LAMA2: variants seen among roughly 807,000 people sequenced by gnomAD.
LAMA2 encodes the protein laminin subunit alpha-2.
LAMA2 carries 269 observed loss-of-function variants against 364.8 expected under a neutral mutation model. That is an observed-to-expected ratio of 0.74 (90% CI 0.67 to 0.82). LAMA2 has a LOEUF of 0.82. LAMA2 is among the 40% of genes least tolerant of loss of function. The probability of loss-of-function intolerance (pLI) is 0.00; values close to 1 mark genes in which losing one functional copy is unlikely to be tolerated. For synonymous variants in LAMA2, 1,379 were observed against 1,370.6 expected (o/e 1.01, Z -0.14); for missense variants, 3,807 against 3,873.2 (o/e 0.98, Z 0.45).
chr6:129,514,410 C>G lies in LAMA2; in HGVS notation c.9026C>G (p.Thr3009Ser), dbSNP rs761150291. Residue 3009 changes from threonine to serine, a missense_variant, in exon 64 of 65, where the codon ACT becomes AGT. Thr to Ser is a moderately conservative substitution (Grantham distance 58). This residue lies in a region of LAMA2 where 3,333 missense variants were observed against 3,345.7 expected (regional missense o/e 1.00). Transcript: ENST00000421865. ...FHVDNGAGRFTAVYDAGVPGH... is the reference protein window; with the variant it reads ...FHVDNGAGRFSAVYDAGVPGH... ...GTGGACAATGGTGCGGGCAGATTCA[C>G]TGCTGTCTATGATGCTGGGGTTCCA... 3.1e-6 allele frequency: 5 copies of G among 1,613,886 alleles called. No individual in the cohort carries two copies. In the Admixed American group the frequency reaches 5.0e-5, roughly 16 times the overall value.
At chr6:128,961,941 T>G (rs548301537) in intron 1 of LAMA2, among the ~76,000 whole-genome samples, 166 of 151,480 alleles carry the variant, frequency 1.1e-3, no homozygotes, top group African/African-American at 3.6e-3. Flanking sequence ...TGTAAATTAT[T>G]TGGTACTTAA....
intron 3 of LAMA2, among the ~76,000 whole-genome samples, chr6:129,071,036 G>A (rs1237802620): frequency 1.3e-5 from 2 of 152,124 alleles, no homozygotes; most frequent in African/African-American, 4.8e-5. Flanking sequence ...GTATTCACCA[G>A]TGAAGCCATT....
At position 129,052,305 on chromosome 6, in the gene LAMA2, C is replaced by CTTTTT. The variant is rs71272306; in HGVS notation, c.283+2229_283+2233dup. ...CGCACGTTGCCACGCCCGGCTAATT[C>CTTTTT]TTTTTTTTTTTTTTTTGTATTTTTA... On this transcript the variant is annotated intron_variant, in intron 2 of 64. Transcript: ENST00000421865. Among the ~76,000 whole-genome samples, 92 of 131,260 alleles carry CTTTTT rather than the reference C, an allele frequency of 7.0e-4. 2 individuals carry two copies. Among genetic ancestry groups the CTTTTT allele is most frequent in the Non-Finnish European group, 8.8e-4 (54 of 61,456 alleles). The allele number at this position is 131,260 out of a possible 152,430, so 86.1% of individuals were successfully genotyped here. A position where few individuals can be genotyped will look rare whatever the true frequency, so the allele number is the denominator to read the frequency against.
intron 16 of LAMA2, among the ~76,000 whole-genome samples, chr6:129,269,583 A>C (rs1382167028): frequency 1.3e-5 from 2 of 152,106 alleles, no homozygotes; most frequent in African/African-American, 4.8e-5. Flanking sequence ...TACCATTTTC[A>C]ACATGTTTAA....
rs113782463 is a variant in LAMA2, at chr6:128,953,597, TTGTGTGTG to T, written c.112+70261_112+70268del. ...CATTTAAATGTTTGTGCCCATGGAC[TTGTGTGTG>T]TGTGTGTGTGTGTGTGTGTGAATGT... On this transcript the variant is annotated intron_variant, in intron 1 of 64. Transcript: ENST00000421865. Among the ~76,000 whole-genome samples the T allele has an allele frequency of 6.6e-3, 804 of 121,876 alleles. 6 individuals carry two copies. The highest frequency in any genetic ancestry group is 9.9e-3 in the Non-Finnish European group (547 of 55,310). The allele number at this position is 121,876 out of a possible 152,430, so 80.0% of individuals were successfully genotyped here.
intron 29 of LAMA2, among the ~76,000 whole-genome samples, chr6:129,339,150 A>G (rs2114560346): frequency 6.6e-6 from 1 of 152,356 alleles, no homozygotes. Flanking sequence ...ATATGGAGAC[A>G]GGATCTTTAG....
intron 1 of LAMA2, among the ~76,000 whole-genome samples, chr6:128,968,851 T>A (rs1782014396): frequency 6.6e-6 from 1 of 152,150 alleles, no homozygotes. Context: ...CGTGGGACCT[T>A]GTGCTTCGTT....
At chr6:128,937,358 T>G (rs1335140019) in intron 1 of LAMA2, among the ~76,000 whole-genome samples, 1 of 152,168 alleles carries the variant, frequency 6.6e-6, no homozygotes, top group Non-Finnish European at 1.5e-5. Flanking sequence ...GGGTTAGCAT[T>G]GTATAATAGT....
At chr6:129,512,639 TG>T in intron 63 of LAMA2, 146 bp downstream of exon 63, 1 of 921,142 alleles carries the variant, frequency 1.1e-6, no homozygotes, top group South Asian at 1.4e-5. Flanking sequence ...TTCATCCTTC[TG>T]GATTACTTCA....
At chr6:128,970,015 A>G (rs1782091409) in intron 1 of LAMA2, among the ~76,000 whole-genome samples, 1 of 152,214 alleles carries the variant, frequency 6.6e-6, no homozygotes, top group East Asian at 1.9e-4. Context: ...TTTATTTCAG[A>G]ATTAAATAAA....
chr6:129,371,914 G>T (rs1778107564), intron 34 of LAMA2, among the ~76,000 whole-genome samples: 1 of 152,132 alleles, frequency 6.6e-6, no homozygotes, highest in Non-Finnish European at 1.5e-5. Context: ...GCCACAAGAA[G>T]TATTTCATTA....
At chr6:129,406,597 ATCT>A (rs1175138243) in intron 40 of LAMA2, among the ~76,000 whole-genome samples, 1 of 152,184 alleles carries the variant, frequency 6.6e-6, no homozygotes, top group East Asian at 1.9e-4. Flanking sequence ...ATTTTTTCTC[ATCT>A]TAGTTGCTTT....
intron 12 of LAMA2, among the ~76,000 whole-genome samples, chr6:129,215,640 C>G (rs1319428778): frequency 6.6e-6 from 1 of 151,858 alleles, no homozygotes; most frequent in Non-Finnish European, 1.5e-5. Flanking sequence ...TTTTTTAGAA[C>G]TTAACATTTA....
In LAMA2 at chr6:129,369,992, T is replaced by G; in HGVS notation, c.4959+2T>G. Reference sequence around the variant, plus strand: ...GAAATGAACGAGCTGCTGACCAGGGTAAGGTGGCAAAATTATGAATCTTCT... The same window carrying G: ...GAAATGAACGAGCTGCTGACCAGGGGAAGGTGGCAAAATTATGAATCTTCT... On this transcript the variant is annotated splice_donor_variant, in intron 34 of 64. Coordinates refer to ENST00000421865, the MANE Select transcript of LAMA2 (RefSeq NM_000426.4). LOFTEE classifies it high-confidence loss of function. The G allele has an allele frequency of 6.2e-7, 1 of 1,612,764 alleles. No homozygotes were observed. The highest frequency in any genetic ancestry group is 8.5e-7 in the Non-Finnish European group (1 of 1,178,816).
At chr6:129,063,267 G>A (rs532086342) in intron 3 of LAMA2, among the ~76,000 whole-genome samples, 5 of 152,024 alleles carry the variant, frequency 3.3e-5, no homozygotes, top group Non-Finnish European at 5.9e-5. Flanking sequence ...TTCCAGTGAC[G>A]TGTATATAAA....
At chr6:129,417,272 T>G (rs894674113) in intron 40 of LAMA2, among the ~76,000 whole-genome samples, 1 of 152,080 alleles carries the variant, frequency 6.6e-6, no homozygotes, top group Admixed American at 6.5e-5. Context: ...ACAGTGCAAC[T>G]CTCAGGAGGC....
intron 12 of LAMA2, among the ~76,000 whole-genome samples, chr6:129,218,279 A>G (rs1783556038): frequency 6.6e-6 from 1 of 152,172 alleles, no homozygotes; most frequent in African/African-American, 2.4e-5. Flanking sequence ...TGAAGGAAGG[A>G]ACGCATTTTA....
intron 64 of LAMA2, among the ~76,000 whole-genome samples, chr6:129,514,928 T>A (rs1264711389): frequency 1.8e-5 from 2 of 108,896 alleles, no homozygotes; most frequent in African/African-American, 3.0e-5. Flanking sequence ...CTGATTTTTT[T>A]AAAATTAATA....
intron 1 of LAMA2, among the ~76,000 whole-genome samples, chr6:128,967,676 A>G (rs909329258): frequency 6.6e-6 from 1 of 152,250 alleles, no homozygotes. Flanking sequence ...TAGGAGGAAA[A>G]GAATGAGTGG....
Sources: gnomAD v4.1 joint callset for allele counts (sites outside exome capture counted in the v4.1 genomes callset) on GRCh38, gnomAD v4.1.1 for gene constraint, gnomAD v4.1.1 regional missense constraint, MANE v1.5 for transcripts, NCBI Gene and HGNC (gene_info 2026-07-23, HGNC 2026-07-21) for gene names.